Variants in ERC2 observed in about 807,000 individuals in gnomAD.
ERC2 encodes ELKS/RAB6-interacting/CAST family member 2, also known as ERC protein 2.
A neutral mutation model predicts 114.8 loss-of-function variants in ERC2; 42 were observed. That is an observed-to-expected ratio of 0.37 (90% CI 0.29 to 0.47). ERC2 has a LOEUF of 0.47. ERC2 is among the 20% of genes least tolerant of loss of function. The probability of loss-of-function intolerance (pLI) is 0.99; values close to 1 mark genes in which losing one functional copy is unlikely to be tolerated. For missense variants in ERC2, 939 were observed against 1,150.7 expected (o/e 0.82, Z 2.66); for synonymous variants, 454 against 425.5 (o/e 1.07, Z -0.82).
At chr3:55,516,568 C>A (rs1217095750) in intron 17 of ERC2, among the ~76,000 whole-genome samples, 1 of 152,082 alleles carries the variant, frequency 6.6e-6, no homozygotes, top group Non-Finnish European at 1.5e-5. Flanking sequence ...GCGGGGCCAG[C>A]CCTGTGCTCA....
intron 3 of ERC2, among the ~76,000 whole-genome samples, chr3:56,186,114 TAAAAAAA>T (rs201544979): frequency 1.5e-4 from 15 of 102,546 alleles, no homozygotes; most frequent in East Asian, 1.0e-3. Flanking sequence ...TCAAGAACCT[TAAAAAAA>T]AAAAAAAAAA....
At chr3:55,794,897 A>C (rs111699015) in intron 14 of ERC2, among the ~76,000 whole-genome samples, 1 of 152,136 alleles carries the variant, frequency 6.6e-6, no homozygotes, top group South Asian at 2.1e-4. Context: ...TTTACATTAC[A>C]TTTACCAAAT....
At chr3:55,673,230 C>T in intron 17 of ERC2, among the ~76,000 whole-genome samples, 1 of 152,210 alleles carries the variant, frequency 6.6e-6, no homozygotes, top group East Asian at 1.9e-4. Flanking sequence ...GCAAGCCCTT[C>T]CTCTCTGAGA....
At chr3:56,324,588 A>G (rs1182983490) in intron 2 of ERC2, among the ~76,000 whole-genome samples, 1 of 152,118 alleles carries the variant, frequency 6.6e-6, no homozygotes, top group Non-Finnish European at 1.5e-5. Flanking sequence ...TAAGGGTCTA[A>G]CGGGCCTTCA....
At chr3:55,592,807 G>C (rs2057957224) in intron 17 of ERC2, among the ~76,000 whole-genome samples, 1 of 152,176 alleles carries the variant, frequency 6.6e-6, no homozygotes, top group South Asian at 2.1e-4. Context: ...CCCCCACGCA[G>C]ATCTGCTGAA....
chr3:55,528,652 G>A (rs999098807), intron 17 of ERC2, among the ~76,000 whole-genome samples: 6 of 152,156 alleles, frequency 3.9e-5, no homozygotes, highest in African/African-American at 1.2e-4. Context: ...TTGTGTGCAG[G>A]TATGGTACTG....
intron 12 of ERC2, among the ~76,000 whole-genome samples, chr3:55,963,865 C>T (rs115516694): frequency 0.028 from 4,260 of 152,226 alleles, 105 homozygotes; most frequent in Middle Eastern, 0.082. Flanking sequence ...GGGCGATTTG[C>T]CCAGACAATA....
At chr3:56,051,879 A>ACACACACAC (rs2075789208) in intron 7 of ERC2, among the ~76,000 whole-genome samples, 1 of 142,376 alleles carries the variant, frequency 7.0e-6, no homozygotes, top group Non-Finnish European at 1.5e-5. Flanking sequence ...ACACACACAC[A>ACACACACAC]AATTTAACCT....
At chr3:55,703,639 C>T (rs765246745) in intron 15 of ERC2, among the ~76,000 whole-genome samples, 1 of 152,172 alleles carries the variant, frequency 6.6e-6, no homozygotes, top group Non-Finnish European at 1.5e-5. Context: ...AGTGCAGAGT[C>T]TCATGTCTTA....
chr3:55,664,836 G>A (rs1248647510), intron 17 of ERC2, among the ~76,000 whole-genome samples: 3 of 152,176 alleles, frequency 2.0e-5, no homozygotes, highest in Non-Finnish European at 2.9e-5. Context: ...CTCAAATCTC[G>A]CAACGCAGGG....
At chr3:55,988,951 G>C (rs2149519556) in intron 11 of ERC2, among the ~76,000 whole-genome samples, 1 of 152,360 alleles carries the variant, frequency 6.6e-6, no homozygotes, top group South Asian at 2.1e-4. Context: ...TAGCACAGCA[G>C]ATAATGCTTC....
intron 17 of ERC2, among the ~76,000 whole-genome samples, chr3:55,578,364 CCA>C: frequency 6.6e-6 from 1 of 152,190 alleles, no homozygotes; most frequent in East Asian, 1.9e-4. Flanking sequence ...TCGGGGCCTT[CCA>C]CACACTTCAC....
At chr3:56,035,434 T>C (rs904441085) in intron 7 of ERC2, among the ~76,000 whole-genome samples, 6 of 152,280 alleles carry the variant, frequency 3.9e-5, no homozygotes, top group Non-Finnish European at 5.9e-5. Flanking sequence ...TTCCAAAAAA[T>C]TGAAGAGGAG....
chr3:55,784,993 G>T (rs9843817), intron 14 of ERC2, among the ~76,000 whole-genome samples: 11,585 of 152,212 alleles, frequency 0.076, 763 homozygotes, highest in African/African-American at 0.18. Context: ...AACCGAAGAT[G>T]CATGATAGAA....
At chr3:55,768,648 T>C (rs1348305931) in intron 14 of ERC2, among the ~76,000 whole-genome samples, 1 of 152,004 alleles carries the variant, frequency 6.6e-6, no homozygotes, top group East Asian at 1.9e-4. Context: ...TAGGGGAAGA[T>C]CACAAGGAAG....
chr3:56,367,092 G>T (rs2059178151), intron 2 of ERC2, among the ~76,000 whole-genome samples: 1 of 152,066 alleles, frequency 6.6e-6, no homozygotes. Flanking sequence ...AAAAACTCTT[G>T]CTTCTTATAT....
intron 14 of ERC2, among the ~76,000 whole-genome samples, chr3:55,762,949 G>C (rs1202863694): frequency 6.6e-6 from 1 of 152,174 alleles, no homozygotes; most frequent in Admixed American, 6.5e-5. Context: ...CACATACTAA[G>C]TAGGTAGGTG....
At chr3:56,463,950 A>G (rs999597173) in intron 1 of ERC2, among the ~76,000 whole-genome samples, 4 of 152,252 alleles carry the variant, frequency 2.6e-5, no homozygotes, top group Non-Finnish European at 4.4e-5. Context: ...TCTAATAAAT[A>G]GTGCCTTAAT....
intron 15 of ERC2, among the ~76,000 whole-genome samples, chr3:55,707,312 G>T (rs1195677715): frequency 1.3e-5 from 2 of 152,186 alleles, no homozygotes; most frequent in East Asian, 3.8e-4. Flanking sequence ...GGTGGTGCAT[G>T]CCTGTAGTCC....
Sources: gnomAD v4.1 joint callset for allele counts (sites outside exome capture counted in the v4.1 genomes callset) on GRCh38, gnomAD v4.1.1 for gene constraint, MANE v1.5 for transcripts, NCBI Gene and HGNC (gene_info 2026-07-23, HGNC 2026-07-21) for gene names.